Variants in DNAH3 observed in about 807,000 individuals in gnomAD.
DNAH3 encodes axonemal beta dynein heavy chain 3.
In DNAH3, 332 loss-of-function variants were observed where a neutral mutation model predicts 432.5. The observed-to-expected ratio is 0.77, with a 90% CI of 0.70 to 0.84. The LOEUF (loss-of-function observed/expected upper bound fraction) is 0.84. Among genes scored for constraint, DNAH3 ranks in the 40% least tolerant of loss-of-function variants. The pLI is 0.00. For synonymous variants in DNAH3, 1,956 were observed against 1,900.2 expected, an observed-to-expected ratio of 1.03 and a Z score of -0.76; for missense variants, 4,861 against 5,114.0, an observed-to-expected ratio of 0.95 and a Z score of 1.51.
intron 20 of DNAH3, among the ~76,000 whole-genome samples, chr16:21,078,129 GC>G (rs2091040582): frequency 6.6e-6 from 1 of 151,936 alleles, no homozygotes; most frequent in Non-Finnish European, 1.5e-5. Context: ...TACAAAATTA[GC>G]CAGGCATGGT....
chr16:20,952,395 C>G, intron 56 of DNAH3, 38 bp downstream of exon 56: 1 of 1,255,884 alleles, frequency 8.0e-7, no homozygotes. Context: ...GAACATGATA[C>G]TGGAGGTTTA....
chr16:21,125,246 T>A, exon 9 of DNAH3: 1 of 1,613,868 alleles, frequency 6.2e-7, no homozygotes, highest in Non-Finnish European at 8.5e-7. Context: ...TGCAGCGACA[T>A]GAATGATGCC....
At chr16:21,116,973 T>C (rs759449314) in intron 12 of DNAH3, among the ~76,000 whole-genome samples, 3 of 152,212 alleles carry the variant, frequency 2.0e-5, no homozygotes, top group African/African-American at 4.8e-5. Flanking sequence ...GGATCTGTAA[T>C]TGAATTTGAA....
intron 1 of DNAH3, among the ~76,000 whole-genome samples, chr16:21,153,069 A>G (rs1461431033): frequency 6.6e-6 from 1 of 152,214 alleles, no homozygotes; most frequent in African/African-American, 2.4e-5. Flanking sequence ...CCTGAGTCTG[A>G]TGGGGACGTG....
intron 26 of DNAH3, among the ~76,000 whole-genome samples, chr16:21,058,794 A>G (rs1222701306): frequency 6.6e-6 from 1 of 152,138 alleles, no homozygotes; most frequent in African/African-American, 2.4e-5. Flanking sequence ...CAATGAGAAC[A>G]CATGGACACA....
At chr16:21,081,764 G>A (rs752367217) in intron 19 of DNAH3, 37 bp from the exon 20 acceptor site, 140 of 1,565,426 alleles carry the variant, frequency 8.9e-5, no homozygotes, top group Non-Finnish European at 1.1e-4. Context: ...TTTGTTGTCC[G>A]AGGCAGTGCT....
intron 20 of DNAH3, among the ~76,000 whole-genome samples, chr16:21,080,179 C>T (rs2091132348): frequency 6.6e-6 from 1 of 152,170 alleles, no homozygotes; most frequent in African/African-American, 2.4e-5. Flanking sequence ...CACCTGTAAC[C>T]CCAGCTACTC....
intron 52 of DNAH3, among the ~76,000 whole-genome samples, chr16:20,967,491 G>GA (rs1491411468): frequency 1.0e-5 from 1 of 99,394 alleles, no homozygotes; most frequent in African/African-American, 4.7e-5. Context: ...ACAGACTTCT[G>GA]CTTTTTTTTT....
exon 24 of DNAH3, chr16:21,067,308 C>G: frequency 6.2e-7 from 1 of 1,614,076 alleles, no homozygotes; most frequent in Non-Finnish European, 8.5e-7. Flanking sequence ...CTCTTCTTCT[C>G]CAAGTAATCA....
At chr16:21,143,483 C>A (rs2092745762) in intron 3 of DNAH3, among the ~76,000 whole-genome samples, 1 of 152,172 alleles carries the variant, frequency 6.6e-6, no homozygotes, top group African/African-American at 2.4e-5. Flanking sequence ...TGATCTCGGA[C>A]TTTACAGACT....
At chr16:21,130,132 G>A (rs907921793) in intron 7 of DNAH3, 2 of 146,574 alleles carry the variant, frequency 1.4e-5, no homozygotes, top group African/African-American at 5.1e-5. Context: ...CAGTTTGGAA[G>A]CCAAGAGACA....
At chr16:21,113,071 G>A (rs2092110479) in intron 12 of DNAH3, among the ~76,000 whole-genome samples, 1 of 152,120 alleles carries the variant, frequency 6.6e-6, no homozygotes, top group African/African-American at 2.4e-5. Flanking sequence ...GCTAAAATGA[G>A]TTGAGATTTT....
At chr16:20,978,292 G>A (rs1247168331) in intron 50 of DNAH3, among the ~76,000 whole-genome samples, 5 of 152,182 alleles carry the variant, frequency 3.3e-5, no homozygotes, top group South Asian at 2.1e-4. Context: ...ACTTTGGGAG[G>A]CCGAGGTGAG....
At chr16:21,028,263 C>G (rs1193082636) in intron 37 of DNAH3, among the ~76,000 whole-genome samples, 1 of 152,240 alleles carries the variant, frequency 6.6e-6, no homozygotes, top group East Asian at 1.9e-4. Flanking sequence ...AAGCTGATCT[C>G]AAACTCCTGG....
chr16:20,983,307 G>A (rs2086005679), intron 48 of DNAH3, among the ~76,000 whole-genome samples: 1 of 151,948 alleles, frequency 6.6e-6, no homozygotes, highest in South Asian at 2.1e-4. Flanking sequence ...TGTATTTTTA[G>A]TAGAGACGGG....
intron 48 of DNAH3, among the ~76,000 whole-genome samples, chr16:20,983,280 C>T (rs988350601): frequency 6.6e-6 from 1 of 152,112 alleles, no homozygotes; most frequent in African/African-American, 2.4e-5. Flanking sequence ...CACCCACCAC[C>T]ACTTCCAGCT....
At chr16:21,106,962 T>C (rs1381486835) in intron 14 of DNAH3, among the ~76,000 whole-genome samples, 3 of 152,150 alleles carry the variant, frequency 2.0e-5, no homozygotes, top group African/African-American at 7.2e-5. Context: ...TTAACTCATT[T>C]AATCCTCACA....
At chr16:20,949,429 A>C (rs1385603015) in intron 56 of DNAH3, among the ~76,000 whole-genome samples, 1 of 152,174 alleles carries the variant, frequency 6.6e-6, no homozygotes, top group African/African-American at 2.4e-5. Context: ...TTATTATAGC[A>C]TATTGTAATT....
At chr16:21,143,316 G>C (rs1310247999) in intron 3 of DNAH3, among the ~76,000 whole-genome samples, 3 of 152,128 alleles carry the variant, frequency 2.0e-5, no homozygotes, top group Non-Finnish European at 4.4e-5. Flanking sequence ...GGTCATGAGG[G>C]CTCCATCTTA....
Sources: gnomAD v4.1 joint callset for allele counts (sites outside exome capture counted in the v4.1 genomes callset) on GRCh38, gnomAD v4.1.1 for gene constraint, MANE v1.5 for transcripts, NCBI Gene and HGNC (gene_info 2026-07-23, HGNC 2026-07-21) for gene names.